The following RIT2 variants were observed in gnomAD, a reference collection of about 807,000 sequenced individuals.
RIT2 encodes GTP-binding protein Rit2.
Under a neutral mutation model 23.7 loss-of-function variants are expected in RIT2, and 24 were observed. The observed-to-expected ratio is 1.01, with a 90% CI of 0.73 to 1.43. The LOEUF (loss-of-function observed/expected upper bound fraction) is 1.43, where lower values mean the gene tolerates loss of function less well. Ranked by LOEUF, RIT2 falls within the 40% of genes most tolerant of loss-of-function variation. RIT2 has a pLI of 0.00. For missense variants in RIT2, 236 were observed against 266.9 expected (o/e 0.88, Z 0.81); for synonymous variants, 107 against 91.1 (o/e 1.17, Z -0.99).
intron 4 of RIT2, among the ~76,000 whole-genome samples, chr18:42,771,119 G>A (rs1423660392): frequency 2.6e-5 from 4 of 151,908 alleles, no homozygotes; most frequent in Non-Finnish European, 4.4e-5. Context: ...ATCAAACTAC[G>A]TAATTTTTTT....
In RIT2 at chr18:43,019,740, C is replaced by T. The variant is rs112424382; in HGVS notation, c.160+14071G>A. 6.1e-3 allele frequency among the ~76,000 whole-genome samples: 933 copies of T among 152,034 alleles called. 12 individuals carry two copies. The highest frequency in any genetic ancestry group is 0.021 in the African/African-American group (856 of 41,502). ...GACAACAAATTGAAAATCAGTAAGT[C>T]GAATTACCCCTCTTTGCAGATGACA... On this transcript the variant is annotated intron_variant, in intron 2 of 4. Coordinates refer to ENST00000326695, the MANE Select transcript of RIT2 (RefSeq NM_002930.4).
chr18:42,920,332 T>C (rs1432226622), intron 4 of RIT2, among the ~76,000 whole-genome samples: 3 of 152,180 alleles, frequency 2.0e-5, no homozygotes. Context: ...TAACTAGCTG[T>C]GTGACCTTGA....
At chr18:42,816,930 G>C (rs1022651299) in intron 4 of RIT2, among the ~76,000 whole-genome samples, 4 of 152,076 alleles carry the variant, frequency 2.6e-5, no homozygotes, top group Admixed American at 2.6e-4. Flanking sequence ...AAAATAACTG[G>C]GGATCTTGTT....
At chr18:43,074,999 C>T (rs564199343) in intron 1 of RIT2, among the ~76,000 whole-genome samples, 2 of 152,142 alleles carry the variant, frequency 1.3e-5, no homozygotes, top group African/African-American at 4.8e-5. Context: ...CCATTGTACA[C>T]ATTTACCTAT....
intron 4 of RIT2, among the ~76,000 whole-genome samples, chr18:42,809,883 T>C (rs1905789884): frequency 7.0e-6 from 1 of 143,224 alleles, no homozygotes; most frequent in Non-Finnish European, 1.5e-5. Context: ...ATAATTTGTA[T>C]ATATGTTATA....
At chr18:42,833,576 C>T (rs1398644988) in intron 4 of RIT2, among the ~76,000 whole-genome samples, 1 of 152,042 alleles carries the variant, frequency 6.6e-6, no homozygotes, top group African/African-American at 2.4e-5. Flanking sequence ...TATATACTAC[C>T]TCATGTAATT....
At chr18:42,989,476 T>A (rs1161882128) in intron 2 of RIT2, among the ~76,000 whole-genome samples, 1 of 152,214 alleles carries the variant, frequency 6.6e-6, no homozygotes, top group Non-Finnish European at 1.5e-5. Flanking sequence ...ATTTAATATA[T>A]GTTATTTAAC....
intron 4 of RIT2, among the ~76,000 whole-genome samples, chr18:42,824,765 G>GTA (rs1906248146): frequency 6.6e-6 from 1 of 151,624 alleles, no homozygotes; most frequent in South Asian, 2.1e-4. Context: ...GTATGTGTGT[G>GTA]TGTGTGTGTG....
At chr18:43,024,422 C>A (rs1911663149) in intron 2 of RIT2, among the ~76,000 whole-genome samples, 1 of 151,898 alleles carries the variant, frequency 6.6e-6, no homozygotes. Context: ...GGATTAGAGA[C>A]TTAAATGTAA....
chr18:42,844,082 C>A (rs1351908573), intron 4 of RIT2, among the ~76,000 whole-genome samples: 1 of 152,144 alleles, frequency 6.6e-6, no homozygotes, highest in Non-Finnish European at 1.5e-5. Context: ...CATGCTCAAC[C>A]CCTTGTGAGA....
chr18:42,989,660 C>G (rs977635328), intron 2 of RIT2, among the ~76,000 whole-genome samples: 1 of 152,142 alleles, frequency 6.6e-6, no homozygotes, highest in African/African-American at 2.4e-5. Flanking sequence ...GCCCACATAG[C>G]TCATGGTTAC....
chr18:42,996,014 G>T (rs1037947889), intron 2 of RIT2, among the ~76,000 whole-genome samples: 1 of 152,178 alleles, frequency 6.6e-6, no homozygotes, highest in Non-Finnish European at 1.5e-5. Context: ...AATCTTTGCT[G>T]GTAGGACAAT....
At chr18:43,103,811 A>G (rs962014861) in intron 1 of RIT2, among the ~76,000 whole-genome samples, 4 of 152,214 alleles carry the variant, frequency 2.6e-5, no homozygotes, top group Non-Finnish European at 5.9e-5. Flanking sequence ...AAGATATCTT[A>G]GTTGTTTGGG....
chr18:43,049,029 T>A (rs1408461866), intron 1 of RIT2, among the ~76,000 whole-genome samples: 2 of 152,126 alleles, frequency 1.3e-5, no homozygotes, highest in Non-Finnish European at 2.9e-5. Flanking sequence ...TATTACTTGG[T>A]TAGGGTTGTT....
chr18:42,820,739 C>A, intron 4 of RIT2, among the ~76,000 whole-genome samples: 1 of 152,110 alleles, frequency 6.6e-6, no homozygotes, highest in East Asian at 1.9e-4. Context: ...GATATTGAAC[C>A]ATCCTTTCTA....
At chr18:42,838,847 G>T (rs1411920842) in intron 4 of RIT2, among the ~76,000 whole-genome samples, 1 of 152,126 alleles carries the variant, frequency 6.6e-6, no homozygotes, top group Non-Finnish European at 1.5e-5. Context: ...CAACCAAAAA[G>T]AACAAGCATT....
At chr18:42,838,506 C>A (rs1046264381) in intron 4 of RIT2, among the ~76,000 whole-genome samples, 3 of 151,928 alleles carry the variant, frequency 2.0e-5, no homozygotes, top group African/African-American at 7.3e-5. Flanking sequence ...GTAATACTAC[C>A]TCTAATCTTC....
intron 4 of RIT2, among the ~76,000 whole-genome samples, chr18:42,764,341 C>T (rs957583268): frequency 6.6e-6 from 1 of 152,180 alleles, no homozygotes; most frequent in Non-Finnish European, 1.5e-5. Context: ...CCCTCCATGC[C>T]TGCCTATCCT....
intron 4 of RIT2, among the ~76,000 whole-genome samples, chr18:42,918,062 G>C (rs1908958533): frequency 6.6e-6 from 1 of 152,124 alleles, no homozygotes. Flanking sequence ...GCATTGTGCA[G>C]TTAGAATACA....
Sources: gnomAD v4.1 joint callset for allele counts (sites outside exome capture counted in the v4.1 genomes callset) on GRCh38, gnomAD v4.1.1 for gene constraint, MANE v1.5 for transcripts, NCBI Gene and HGNC (gene_info 2026-07-23, HGNC 2026-07-21) for gene names.